Variants in PRMT8 observed in about 807,000 individuals in gnomAD.
PRMT8 encodes protein arginine N-methyltransferase 8.
PRMT8 carries 7 observed loss-of-function variants against 47.1 expected under a neutral mutation model. That is an observed-to-expected ratio of 0.15 (90% CI 0.08 to 0.28). The LOEUF is 0.28. PRMT8 is among the 10% of genes least tolerant of loss of function. The pLI is 1.00. For synonymous variants in PRMT8, 188 were observed against 186.5 expected (o/e 1.01, Z -0.07); for missense variants, 237 against 505.4 (o/e 0.47, Z 5.09).
At chr12:3,540,073 C>G (rs1028122053) in intron 1 of PRMT8, among the ~76,000 whole-genome samples, 2 of 152,144 alleles carry the variant, frequency 1.3e-5, no homozygotes, top group African/African-American at 4.8e-5. Flanking sequence ...GAAATACAAA[C>G]TTGTCTAATC....
rs1262009729 is a variant in PRMT8, at chr12:3,550,405, A to C, written c.417+314A>C. On this transcript the variant is annotated intron_variant, in intron 3 of 9. Coordinates refer to ENST00000382622, the MANE Select transcript of PRMT8 (RefSeq NM_019854.5). This position sits in a 1 kb window ranked among gnomAD's most constrained non-coding sequence, Gnocchi z 5.1. Reference sequence around the variant, plus strand: ...AGCTTCAGAGGCAGTGCAGGTGGTTACTCGGGGGAGCTCTGGTTTGAATCT... The same window carrying C: ...AGCTTCAGAGGCAGTGCAGGTGGTTCCTCGGGGGAGCTCTGGTTTGAATCT... The C allele has an allele frequency of 6.7e-6, 2 of 298,142 alleles. No individual in the cohort carries two copies. The highest frequency in any genetic ancestry group is 1.3e-5 in the Non-Finnish European group (2 of 155,568). 18.5% of individuals were successfully genotyped at this position (298,142 alleles called of 1,614,324 possible).
intron 1 of PRMT8, among the ~76,000 whole-genome samples, chr12:3,531,775 C>T (rs1417965859): frequency 6.6e-6 from 1 of 152,216 alleles, no homozygotes; most frequent in African/African-American, 2.4e-5. Flanking sequence ...GCGCCCACAC[C>T]CAATCCCAGC....
chr12:3,505,933 G>T (rs990821477), intron 1 of PRMT8, among the ~76,000 whole-genome samples: 3 of 152,216 alleles, frequency 2.0e-5, no homozygotes, highest in African/African-American at 7.2e-5. Context: ...GTAGTTGTCA[G>T]AGGAATTACT....
intron 1 of PRMT8, among the ~76,000 whole-genome samples, chr12:3,430,370 ACTT>A (rs1010911792): frequency 1.3e-5 from 2 of 152,134 alleles, no homozygotes; most frequent in African/African-American, 2.4e-5. Context: ...TTTAGTTTTT[ACTT>A]CTTCTTTCTT....
rs1866440004 is a variant in PRMT8, at chr12:3,552,501, A to G, written c.418-1150A>G. 3.3e-6 allele frequency: 1 copy of G among 304,494 alleles called. No homozygotes were observed. Among genetic ancestry groups the G allele is most frequent in the South Asian group, 2.7e-5 (1 of 36,840 alleles). The allele number at this position is 304,494 out of a possible 1,614,324, so 18.9% of individuals were successfully genotyped here. A position where few individuals can be genotyped will look rare whatever the true frequency, so the allele number is the denominator to read the frequency against. On this transcript the variant is annotated intron_variant, in intron 3 of 9. Transcript: ENST00000382622. The surrounding 1 kb of genome is among the most constrained non-coding windows in gnomAD (Gnocchi z 4.5). ...GGTCGCATGCTCCTCATCACTCAAC[A>G]TGGTCGCCTCTTGCAGATCAGATGA...
chr12:3,400,713 A>T (rs1283055535), intron 1 of PRMT8, among the ~76,000 whole-genome samples: 1 of 152,216 alleles, frequency 6.6e-6, no homozygotes, highest in African/African-American at 2.4e-5. Flanking sequence ...TAAAAAAGAA[A>T]ACTTCAGGCC....
chr12:3,515,799 A>G (rs1865783152), intron 1 of PRMT8, among the ~76,000 whole-genome samples: 1 of 152,148 alleles, frequency 6.6e-6, no homozygotes, highest in Admixed American at 6.5e-5. Flanking sequence ...CTGCCTTGAC[A>G]CCCATGCATT....
At chr12:3,519,408 A>G (rs896297595) in intron 1 of PRMT8, among the ~76,000 whole-genome samples, 3 of 152,194 alleles carry the variant, frequency 2.0e-5, no homozygotes, top group Non-Finnish European at 2.9e-5. Context: ...CTAGAGGCTC[A>G]AGCAACAAAG....
At chr12:3,574,046 G>A (rs1410603559) in intron 6 of PRMT8, 3 of 152,208 alleles carry the variant, frequency 2.0e-5, no homozygotes, top group Non-Finnish European at 4.4e-5. Context: ...GGGCAGTCCA[G>A]CTGAGGAGAT....
chr12:3,467,909 C>G (rs546458149), intron 1 of PRMT8, among the ~76,000 whole-genome samples: 156 of 152,326 alleles, frequency 1.0e-3, no homozygotes, highest in African/African-American at 3.7e-3. Context: ...CTCAGACAGG[C>G]AGAGACAAGC....
At chr12:3,575,745 A>T (rs1007123663) in intron 6 of PRMT8, among the ~76,000 whole-genome samples, 3 of 152,236 alleles carry the variant, frequency 2.0e-5, no homozygotes, top group Admixed American at 1.3e-4. Context: ...TTGGCCAGGC[A>T]TGGTGACTCA....
In PRMT8 at chr12:3,540,776, C is replaced by T; in HGVS notation, c.246C>T (p.His82=). The T allele has an allele frequency of 6.2e-7, 1 of 1,613,822 alleles. No homozygotes were observed. The highest frequency in any genetic ancestry group is 1.1e-5 in the South Asian group (1 of 90,998). ...ATTATTACTTCGACTCCTATGCCCA[C>T]TTTGGGATCCACGAGGTAAAGTGTC... is the stretch of plus-strand genomic sequence containing the variant. ...SRDYYFDSYA[H]FGIHEEMLKD... is the part of the protein sequence containing the mutation. Residue 82 remains histidine, a synonymous_variant, in exon 2 of 10, where the codon CAC becomes CAT. Transcript: ENST00000382622.
intron 1 of PRMT8, among the ~76,000 whole-genome samples, chr12:3,437,155 G>A (rs1465213380): frequency 8.6e-5 from 13 of 152,026 alleles, no homozygotes; most frequent in Admixed American, 8.5e-4. Context: ...AGTTTTTGAT[G>A]CTTCTAGAAA....
intron 1 of PRMT8, among the ~76,000 whole-genome samples, chr12:3,458,174 TA>T (rs1565412851): frequency 6.6e-6 from 1 of 152,244 alleles, no homozygotes; most frequent in Non-Finnish European, 1.5e-5. Flanking sequence ...AGCAGTGTTT[TA>T]ATCGTGTATC....
chr12:3,507,699 A>G (rs1565425688), intron 1 of PRMT8, among the ~76,000 whole-genome samples: 1 of 152,142 alleles, frequency 6.6e-6, no homozygotes, highest in Non-Finnish European at 1.5e-5. Context: ...TGAGTAAAGA[A>G]AATAAACCTG....
chr12:3,582,214 C>T (rs938075353), intron 7 of PRMT8, among the ~76,000 whole-genome samples: 2 of 152,228 alleles, frequency 1.3e-5, no homozygotes, highest in African/African-American at 2.4e-5. Flanking sequence ...GGCCAGCATT[C>T]TTCCATAGAA....
intron 1 of PRMT8, among the ~76,000 whole-genome samples, chr12:3,519,131 G>A (rs1865839710): frequency 6.6e-6 from 1 of 152,102 alleles, no homozygotes; most frequent in African/African-American, 2.4e-5. Context: ...CGTCTTTGCA[G>A]ACGGACAGAG....
chr12:3,383,342 A>G (rs1348893510), intron 1 of PRMT8, among the ~76,000 whole-genome samples: 1 of 152,260 alleles, frequency 6.6e-6, no homozygotes, highest in Non-Finnish European at 1.5e-5. Flanking sequence ...GAGGCTTCTA[A>G]ACCATGAACG....
chr12:3,479,521 G>A (rs927652812), intron 1 of PRMT8, among the ~76,000 whole-genome samples: 3 of 152,158 alleles, frequency 2.0e-5, no homozygotes, highest in African/African-American at 7.2e-5. Flanking sequence ...GCACTGGAGA[G>A]GATGGAATTT....
Sources: allele counts gnomAD v4.1 joint callset (sites outside exome capture counted in the v4.1 genomes callset), GRCh38; gene constraint gnomAD v4.1.1; non-coding constraint Gnocchi (gnomAD v3.1); transcripts MANE v1.5; gene names NCBI Gene and HGNC (gene_info 2026-07-23, HGNC 2026-07-21).